Variants in SHANK2 observed in about 807,000 individuals in gnomAD.
SHANK2 encodes SH3 and multiple ankyrin repeat domains 2, also known as SH3 and multiple ankyrin repeat domains protein 2.
SHANK2 carries 43 observed loss-of-function variants against 133.7 expected under a neutral mutation model. That is an observed-to-expected ratio of 0.32 (90% CI 0.25 to 0.41). The LOEUF is 0.41. SHANK2 is among the 10% of genes least tolerant of loss of function. SHANK2 has a pLI of 1.00. For synonymous variants in SHANK2, 1,017 were observed against 952.8 expected (o/e 1.07, Z -1.24); for missense variants, 1,994 against 2,235.8 (o/e 0.89, Z 2.18).
chr11:70,673,292 T>TA (rs11333382), intron 15 of SHANK2, among the ~76,000 whole-genome samples: 278 of 145,362 alleles, frequency 1.9e-3, no homozygotes, highest in Middle Eastern at 3.6e-3. Flanking sequence ...GAATGTTCTT[T>TA]AAAAAAAAAA....
chr11:70,478,007 G>A (rs574193162), intron 25 of SHANK2, among the ~76,000 whole-genome samples: 1 of 152,148 alleles, frequency 6.6e-6, no homozygotes, highest in African/African-American at 2.4e-5. Flanking sequence ...GGTCACCACT[G>A]TCTACCCTGC....
At chr11:71,136,382 T>C (rs2135358580) in intron 3 of SHANK2, among the ~76,000 whole-genome samples, 1 of 152,306 alleles carries the variant, frequency 6.6e-6, no homozygotes, top group Middle Eastern at 3.4e-3. Flanking sequence ...ATGAAAGGAC[T>C]TGGAAACTGA....
intron 17 of SHANK2, among the ~76,000 whole-genome samples, chr11:70,607,298 C>A (rs782509085): frequency 1.3e-4 from 20 of 152,200 alleles, no homozygotes; most frequent in Non-Finnish European, 2.8e-4. Context: ...CTGAGCCCAG[C>A]CTCCGTGGAA....
intron 10 of SHANK2, chr11:70,943,892 T>C (rs1555084822): frequency 4.6e-5 from 21 of 455,856 alleles, no homozygotes; most frequent in South Asian, 2.2e-4. Context: ...TATTTGTAAA[T>C]AGCAAACATC....
At chr11:70,920,955 G>A (rs1010663206) in intron 10 of SHANK2, among the ~76,000 whole-genome samples, 5 of 152,162 alleles carry the variant, frequency 3.3e-5, no homozygotes, top group African/African-American at 9.7e-5. Context: ...AAACTTAGAC[G>A]TGGCCCTTAA....
At chr11:71,196,347 A>G (rs1953901350) in intron 2 of SHANK2, among the ~76,000 whole-genome samples, 1 of 151,892 alleles carries the variant, frequency 6.6e-6, no homozygotes, top group African/African-American at 2.4e-5. Flanking sequence ...ATGCAGTGGC[A>G]TGATCTTGGC....
At chr11:70,596,039 C>T (rs11822380) in intron 17 of SHANK2, among the ~76,000 whole-genome samples, 4,126 of 152,244 alleles carry the variant, frequency 0.027, 201 homozygotes, top group African/African-American at 0.095. Context: ...CGCCAGGATA[C>T]GGGAAAGGCA....
At chr11:71,126,567 A>C (rs1203784479) in intron 3 of SHANK2, among the ~76,000 whole-genome samples, 1 of 152,202 alleles carries the variant, frequency 6.6e-6, no homozygotes, top group Non-Finnish European at 1.5e-5. Context: ...TAGCTGCCAC[A>C]GATTCCTCAG....
chr11:71,150,974 C>G (rs202043811), intron 2 of SHANK2, among the ~76,000 whole-genome samples: 3 of 152,104 alleles, frequency 2.0e-5, no homozygotes, highest in Non-Finnish European at 2.9e-5. Context: ...CACAGGCTCC[C>G]GCCTCCTGAG....
chr11:70,690,097 CAGTGA>C (rs113009818), intron 15 of SHANK2, among the ~76,000 whole-genome samples: 2,217 of 152,244 alleles, frequency 0.015, 37 homozygotes, highest in African/African-American at 0.04. Context: ...TCCACTAGCT[CAGTGA>C]AGTGAAGTTG....
Position 70,830,463 on chromosome 11 carries a change from T to C in SHANK2, c.1175-9781A>G, listed in dbSNP as rs1555058117. Among the ~76,000 whole-genome samples, 1 of 152,072 alleles carries C rather than the reference T, an allele frequency of 6.6e-6. No individual in the cohort carries two copies. Among genetic ancestry groups the C allele is most frequent in the African/African-American group, 2.4e-5 (1 of 41,406 alleles). On this transcript the variant is annotated intron_variant, in intron 11 of 25. Coordinates refer to ENST00000601538, the MANE Select transcript of SHANK2 (RefSeq NM_012309.5). This position sits in a 1 kb window ranked among gnomAD's most constrained non-coding sequence, Gnocchi z 4.4. Reference sequence around the variant, plus strand: ...TGCCATCTGCACACAGGCCCGGCCCTTCACCCTCCAAGCCACGGAGACCCA... The same window carrying C: ...TGCCATCTGCACACAGGCCCGGCCCCTCACCCTCCAAGCCACGGAGACCCA...
At chr11:70,838,397 T>C (rs902829664) in intron 11 of SHANK2, among the ~76,000 whole-genome samples, 7 of 152,194 alleles carry the variant, frequency 4.6e-5, no homozygotes, top group African/African-American at 1.4e-4. Flanking sequence ...ATGCTGGTCA[T>C]TGTGTTTGTT....
chr11:71,090,442 C>CCTGTGTGTGTGT lies in SHANK2; in HGVS notation c.912+1979_912+1980insACACACACACAG, dbSNP rs1293097073. On this transcript the variant is annotated intron_variant, in intron 8 of 25. Coordinates refer to ENST00000601538, the MANE Select transcript of SHANK2 (RefSeq NM_012309.5). ...GCCAGGGTTCTCCAGAGAAACACTACGTGTGTGTGTGTGTGTGTGTGTGTG... is the reference window on the plus strand; with the variant it reads ...GCCAGGGTTCTCCAGAGAAACACTACCTGTGTGTGTGTGTGTGTGTGTGTGTGTGTGTGTGTG... Among the ~76,000 whole-genome samples the CCTGTGTGTGTGT allele has an allele frequency of 3.5e-3, 28 of 8,044 alleles. 13 individuals carry two copies. The highest frequency in any genetic ancestry group is 0.014 in the African/African-American group (28 of 2,058). 5.3% of individuals were successfully genotyped at this position (8,044 alleles called of 152,430 possible). A position where few individuals can be genotyped will look rare whatever the true frequency, so the allele number is the denominator to read the frequency against.
chr11:71,121,633 C>T (rs1952085566), intron 3 of SHANK2, among the ~76,000 whole-genome samples: 1 of 152,124 alleles, frequency 6.6e-6, no homozygotes, highest in African/African-American at 2.4e-5. Flanking sequence ...GTCATGAAGT[C>T]CTTGCCCATG....
intron 3 of SHANK2, among the ~76,000 whole-genome samples, chr11:71,133,804 C>T (rs574205376): frequency 1.3e-5 from 2 of 152,232 alleles, no homozygotes; most frequent in South Asian, 4.1e-4. Context: ...GCAACATATA[C>T]CTAAACTTCT....
Position 71,097,219 on chromosome 11 carries a change from G to A in SHANK2, c.593-2531C>T, listed in dbSNP as rs781824945. On this transcript the variant is annotated intron_variant, in intron 6 of 25. Transcript: ENST00000601538. ...GGAGGTCAGGAGACCCCCTCTTCCC[G>A]CCCTGGCTTAGCCACCACATTTGCA... 5.3e-5 allele frequency among the ~76,000 whole-genome samples: 8 copies of A among 151,894 alleles called. No individual in the cohort carries two copies. In the South Asian group the frequency reaches 6.3e-4, roughly 12 times the overall value.
chr11:70,900,454 C>T (rs1473231926), intron 10 of SHANK2, among the ~76,000 whole-genome samples: 2 of 152,152 alleles, frequency 1.3e-5, no homozygotes, highest in African/African-American at 4.8e-5. Flanking sequence ...GGTCACCCAG[C>T]GCCCCACAAA....
chr11:70,773,900 CTG>C (rs1555043382), intron 14 of SHANK2, among the ~76,000 whole-genome samples: 1 of 152,212 alleles, frequency 6.6e-6, no homozygotes, highest in African/African-American at 2.4e-5. Flanking sequence ...AATGAAGCCA[CTG>C]TGGAACACAG....
chr11:71,210,209 GGT>G (rs1491156376), intron 2 of SHANK2, among the ~76,000 whole-genome samples: 5 of 35,682 alleles, frequency 1.4e-4, no homozygotes, highest in Non-Finnish European at 2.0e-4. Context: ...GAAATCCACA[GGT>G]ATATATATAT....
Sources: allele counts gnomAD v4.1 joint callset (sites outside exome capture counted in the v4.1 genomes callset), GRCh38; gene constraint gnomAD v4.1.1; non-coding constraint Gnocchi (gnomAD v3.1); transcripts MANE v1.5; gene names NCBI Gene and HGNC (gene_info 2026-07-23, HGNC 2026-07-21).